TRPC5OS: variants seen among roughly 807,000 people sequenced by gnomAD.
TRPC5OS encodes the protein TRPC5 opposite strand.
For missense variants in TRPC5OS, 64 were observed against 79.3 expected (o/e 0.81, Z 0.73); for synonymous variants, 30 against 29.3 (o/e 1.02, Z -0.08).
At chrX:111,899,663 C>G (rs1925243425) in intron 3 of TRPC5OS, among the ~76,000 whole-genome samples, 1 of 110,844 alleles carries the variant, frequency 9.0e-6, no homozygotes, top group Non-Finnish European at 1.9e-5. Flanking sequence ...TATATACCAT[C>G]TAGTAGTTAT....
intron 3 of TRPC5OS, among the ~76,000 whole-genome samples, chrX:111,899,195 AT>A (rs1229507203): frequency 1.8e-5 from 2 of 110,443 alleles, no homozygotes; most frequent in African/African-American, 3.3e-5. Context: ...AAGGTCACTA[AT>A]TTTTTTTCCC....
intron 3 of TRPC5OS, among the ~76,000 whole-genome samples, chrX:111,900,927 T>C (rs764847909): frequency 1.8e-5 from 2 of 111,410 alleles, no homozygotes; most frequent in Admixed American, 9.6e-5. Context: ...CACAAATATA[T>C]ACTTACTCAG....
chrX:111,888,418 T>G (rs1924611267), intron 1 of TRPC5OS, among the ~76,000 whole-genome samples: 1 of 106,221 alleles, frequency 9.4e-6, no homozygotes, highest in Admixed American at 1.0e-4. Flanking sequence ...CTCATGCCTG[T>G]AATCCCAGAA....
intron 3 of TRPC5OS, among the ~76,000 whole-genome samples, chrX:111,899,409 G>T (rs754519155): frequency 4.5e-5 from 5 of 111,362 alleles, no homozygotes; most frequent in Admixed American, 1.9e-4. Flanking sequence ...TTTTTTTCCA[G>T]TTTTAGGAGA....
At chrX:111,879,179 C>T (rs1334391806) in intron 1 of TRPC5OS, among the ~76,000 whole-genome samples, 1 of 111,834 alleles carries the variant, frequency 8.9e-6, no homozygotes, top group African/African-American at 3.3e-5. Flanking sequence ...TGCTGGTAGC[C>T]TCCTCAGAGA....
At chrX:111,887,253 AT>A (rs1413257612) in intron 1 of TRPC5OS, among the ~76,000 whole-genome samples, 2 of 112,667 alleles carry the variant, frequency 1.8e-5, no homozygotes, top group African/African-American at 6.4e-5. Flanking sequence ...GAAACAAATA[AT>A]TTATTCCACT....
At chrX:111,890,496 A>G (rs957575000) in intron 1 of TRPC5OS, among the ~76,000 whole-genome samples, 1 of 111,538 alleles carries the variant, frequency 9.0e-6, no homozygotes, top group Non-Finnish European at 1.9e-5. Flanking sequence ...ACCATTTCAT[A>G]TCAGGGACTT....
intron 1 of TRPC5OS, among the ~76,000 whole-genome samples, chrX:111,894,006 G>C (rs1398529502): frequency 9.0e-6 from 1 of 111,467 alleles, no homozygotes; most frequent in African/African-American, 3.3e-5. Context: ...TATGTCTGTA[G>C]GTGTTTTTTA....
Position 111,902,341 on chromosome X carries a change from C to T in TRPC5OS, c.*156C>T, listed in dbSNP as rs1452132421. On this transcript the variant is annotated 3_prime_UTR_variant, in exon 4 of 4. Transcript: ENST00000635763. Reference sequence around the variant, plus strand: ...CATATAACAAGTGAGATTTGATTTACTTCTAGCAAAAGCTGGTCTTTTTTC... The same window carrying T: ...CATATAACAAGTGAGATTTGATTTATTTCTAGCAAAAGCTGGTCTTTTTTC... 15 of 375,815 alleles carry T rather than the reference C, an allele frequency of 4.0e-5. No individual in the cohort carries two copies. The highest frequency in any genetic ancestry group is 6.5e-5 in the Non-Finnish European group (15 of 229,704). The allele number at this position is 375,815 out of a possible 1,213,427, so 31.0% of individuals were successfully genotyped here. A position where few individuals can be genotyped will look rare whatever the true frequency, so the allele number is the denominator to read the frequency against.
At chrX:111,879,529 A>T (rs1181632257) in intron 1 of TRPC5OS, among the ~76,000 whole-genome samples, 1 of 112,472 alleles carries the variant, frequency 8.9e-6, no homozygotes, top group African/African-American at 3.2e-5. Flanking sequence ...CCAATAAACC[A>T]GTCAGCACAT....
intron 1 of TRPC5OS, among the ~76,000 whole-genome samples, chrX:111,894,965 G>T (rs1187352066): frequency 5.4e-5 from 6 of 110,345 alleles, no homozygotes; most frequent in African/African-American, 2.0e-4. Context: ...TAGTGATATG[G>T]TAGCTAATTT....
chrX:111,891,361 C>T lies in TRPC5OS; in HGVS notation c.-545-4590C>T, dbSNP rs183383212. Among the ~76,000 whole-genome samples, 1,028 of 111,367 alleles carry T rather than the reference C, an allele frequency of 9.2e-3. 9 individuals are homozygous for T. The highest frequency in any genetic ancestry group is 0.014 in the Non-Finnish European group (738 of 53,037). ...ATATATAAGCATTTCTTTTTCTCTG[C>T]AACCTCACTAGCATCTGTTATTTTT... is the stretch of plus-strand genomic sequence containing the variant. On this transcript the variant is annotated intron_variant, in intron 1 of 3. Coordinates refer to ENST00000635763, the MANE Select transcript of TRPC5OS (RefSeq NM_001195578.2).
chrX:111,886,749 C>T lies in TRPC5OS; in HGVS notation c.-545-9202C>T, dbSNP rs779035299. 6.3e-5 allele frequency among the ~76,000 whole-genome samples: 7 copies of T among 111,887 alleles called. No individual in the cohort carries two copies. The South Asian group carries it at 1.9e-3, about 30-fold the overall frequency. ...TGTGGATTCAATTGCCAGAAGGTAC[C>T]GAGGACTTGGCTTGCCTTTTTCTGA... On this transcript the variant is annotated intron_variant, in intron 1 of 3. Coordinates refer to ENST00000635763, the MANE Select transcript of TRPC5OS (RefSeq NM_001195578.2).
At chrX:111,899,465 TAGAG>T (rs1207557895) in intron 3 of TRPC5OS, among the ~76,000 whole-genome samples, 2 of 110,949 alleles carry the variant, frequency 1.8e-5, no homozygotes, top group Non-Finnish European at 3.8e-5. Context: ...TAGATGGAGA[TAGAG>T]AGGGTGTGAA....
rs1185645335 is a variant in TRPC5OS at position 111,895,950 on chromosome X, G to C, written c.-545-1G>C. ...TTTGTCCCTCTAACTTCAAAATCTA[G>C]GTAACCTTTTAAGGTGGAGACCGGT... On this transcript the variant is annotated splice_acceptor_variant, in intron 1 of 3. Coordinates refer to ENST00000635763, the MANE Select transcript of TRPC5OS (RefSeq NM_001195578.2). LOFTEE classifies it low-confidence loss of function (5UTR_SPLICE). 9.0e-6 allele frequency: 1 copy of C among 111,296 alleles called. No homozygotes were observed. Among genetic ancestry groups the C allele is most frequent in the Non-Finnish European group, 1.9e-5 (1 of 53,019 alleles). The allele number at this position is 111,296 out of a possible 1,213,427, so 9.2% of individuals were successfully genotyped here.
chrX:111,880,947 G>A (rs1214427631), intron 1 of TRPC5OS, among the ~76,000 whole-genome samples: 1 of 111,384 alleles, frequency 9.0e-6, no homozygotes, highest in African/African-American at 3.3e-5. Context: ...TAACTGTGGA[G>A]AGTTCATAGG....
At chrX:111,896,344 G>A (rs1421666090) in intron 2 of TRPC5OS, 63 bp from the exon 3 acceptor site, 1 of 108,226 alleles carries the variant, frequency 9.2e-6, no homozygotes, top group East Asian at 2.9e-4. Context: ...TAAACCTATC[G>A]ATTTCGCAAT....
At chrX:111,899,231 C>T (rs1464300874) in intron 3 of TRPC5OS, among the ~76,000 whole-genome samples, 1 of 110,722 alleles carries the variant, frequency 9.0e-6, no homozygotes, top group East Asian at 2.8e-4. Context: ...AGTCCCCCGC[C>T]CCACAAAAAA....
chrX:111,886,936 G>A (rs1924533047), intron 1 of TRPC5OS, among the ~76,000 whole-genome samples: 1 of 112,913 alleles, frequency 8.9e-6, no homozygotes, highest in African/African-American at 3.2e-5. Context: ...AGATGCCAAT[G>A]GTAGCAGTAT....
Sources: allele counts gnomAD v4.1 joint callset (sites outside exome capture counted in the v4.1 genomes callset), GRCh38; gene constraint gnomAD v4.1.1; transcripts MANE v1.5; gene names NCBI Gene and HGNC (gene_info 2026-07-23, HGNC 2026-07-21).